PLXND1: variants seen among roughly 807,000 people sequenced by gnomAD.
PLXND1 encodes the protein plexin D1, also known as plexin-D1.
PLXND1 carries 54 observed loss-of-function variants against 197.7 expected under a neutral mutation model. That is an observed-to-expected ratio of 0.27 (90% CI 0.22 to 0.34). The LOEUF (loss-of-function observed/expected upper bound fraction) is 0.34, where lower values mean the gene tolerates loss of function less well. Ranked by LOEUF, PLXND1 falls within the 10% of genes least tolerant of loss-of-function variation. The pLI is 1.00. For missense variants in PLXND1, 2,127 were observed against 2,699.2 expected, an observed-to-expected ratio of 0.79 and a Z score of 4.70; for synonymous variants, 1,180 against 1,161.2, an observed-to-expected ratio of 1.02 and a Z score of -0.33.
Position 129,555,831 on chromosome 3 carries a change from G to T in PLXND1, c.*481C>A. The T allele has an allele frequency of 2.8e-6, 1 of 353,158 alleles. No homozygotes were observed. The allele number at this position is 353,158 out of a possible 1,614,324, so 21.9% of individuals were successfully genotyped here. A position where few individuals can be genotyped will look rare whatever the true frequency, so the allele number is the denominator to read the frequency against. On this transcript the variant is annotated 3_prime_UTR_variant, in exon 36 of 36. Transcript: ENST00000324093. ...CCTCTACGGGTGAGGGGGAAGTGGA[G>T]ATAACATTTTGGTAGTTGAAGCAGA...
Position 129,561,653 on chromosome 3 carries a change from C to A in PLXND1, c.4986G>T (p.Leu1662=). Reference sequence around the variant, plus strand: ...CACGTGCACCCGCACTACCTCGGCCCAGTGTGTTGTCCTTCTTGTCTATGA... The same window carrying A: ...CACGTGCACCCGCACTACCTCGGCCAAGTGTGTTGTCCTTCTTGTCTATGA... ...MSLIDKKDNT[L]GRVKDLDTEK... The change falls in exon 29 of 36, where the codon CTG becomes CTT. Residue 1662 remains leucine, a synonymous_variant. Coordinates refer to ENST00000324093, the MANE Select transcript of PLXND1 (RefSeq NM_015103.3). The A allele has an allele frequency of 6.2e-7, 1 of 1,606,686 alleles. No individual in the cohort carries two copies. The highest frequency in any genetic ancestry group is 2.2e-5 in the East Asian group (1 of 44,654).
intron 5 of PLXND1, among the ~76,000 whole-genome samples, 193 bp downstream of exon 5, chr3:129,585,759 C>T (rs766265394): frequency 3.3e-5 from 5 of 152,230 alleles, no homozygotes; most frequent in East Asian, 1.9e-4. Context: ...CGGAGGTGGA[C>T]GTCAAGCACA....
intron 1 of PLXND1, among the ~76,000 whole-genome samples, chr3:129,603,966 G>A (rs2085747124): frequency 6.6e-6 from 1 of 152,204 alleles, no homozygotes; most frequent in African/African-American, 2.4e-5. Flanking sequence ...TGTCATTCTG[G>A]GGCCTCATTC....
Position 129,558,685 on chromosome 3 carries a change from G to A in PLXND1, c.5298-110C>T. 1 of 1,093,316 alleles carries A rather than the reference G, an allele frequency of 9.1e-7. No individual in the cohort carries two copies. The highest frequency in any genetic ancestry group is 1.3e-6 in the Non-Finnish European group (1 of 750,606). The allele number at this position is 1,093,316 out of a possible 1,614,324, so 67.7% of individuals were successfully genotyped here. A position where few individuals can be genotyped will look rare whatever the true frequency, so the allele number is the denominator to read the frequency against. ...TGTCCCTCAAGGGCCTGAGGTTGGA[G>A]CCTTGTCACAAGATGTGACCTTTGG... On this transcript the variant is annotated intron_variant, in intron 32 of 35. Transcript: ENST00000324093. The surrounding 1 kb of genome is among the most constrained non-coding windows in gnomAD (Gnocchi z 4.1).
At position 129,601,325 on chromosome 3, in the gene PLXND1, T is replaced by C. The variant is rs149186144; in HGVS notation, c.1311+4004A>G. The stretch of plus-strand genomic sequence containing the variant: ...CACTTCAGCAGCTTCTCCCTTTGGG[T>C]TCTCGGGAAGAAGGTGGAGGGCAGA... On this transcript the variant is annotated intron_variant, in intron 1 of 35. Coordinates refer to ENST00000324093, the MANE Select transcript of PLXND1 (RefSeq NM_015103.3). Among the ~76,000 whole-genome samples, 521 of 152,250 alleles carry C rather than the reference T, an allele frequency of 3.4e-3. 3 individuals are homozygous for C. The highest frequency in any genetic ancestry group is 0.012 in the African/African-American group (505 of 41,540).
Position 129,605,944 on chromosome 3 carries a change from G to C in PLXND1, c.696C>G (p.Phe232Leu). 2 of 1,613,160 alleles carry C rather than the reference G, an allele frequency of 1.2e-6. No homozygotes were observed. The highest frequency in any genetic ancestry group is 3.3e-5 in the Admixed American group (2 of 60,020). ...PRNRSLEDHR[F>L]ENTPEIAIRS... is the part of the protein sequence containing the mutation. ...GGATGGCGATCTCGGGCGTGTTCTCGAAGCGGTGGTCCTCCAGGCTGCGGT... is the reference window on the plus strand; with the variant it reads ...GGATGGCGATCTCGGGCGTGTTCTCCAAGCGGTGGTCCTCCAGGCTGCGGT... Residue 232 changes from phenylalanine (F) to leucine (L), a missense_variant, in exon 1 of 36, where the codon TTC becomes TTG. This residue lies in a region of PLXND1 where 1,095 missense variants were observed against 1,259.8 expected (regional missense o/e 0.87). Transcript: ENST00000324093.
At chr3:129,570,710 G>T in intron 19 of PLXND1, 76 bp downstream of exon 19, 1 of 1,424,252 alleles carries the variant, frequency 7.0e-7, no homozygotes, top group Non-Finnish European at 9.8e-7. Context: ...TCAGGTGCTG[G>T]GTGAGGGGCA....
chr3:129,596,648 C>T (rs964160712), intron 1 of PLXND1, among the ~76,000 whole-genome samples: 2 of 152,174 alleles, frequency 1.3e-5, no homozygotes, highest in East Asian at 1.9e-4. Context: ...GGCCAGGAGC[C>T]GAGAAATAGT....
chr3:129,573,222 C>T (rs2625976), intron 13 of PLXND1, among the ~76,000 whole-genome samples: 38,885 of 151,834 alleles, frequency 0.26, 5,140 homozygotes, highest in East Asian at 0.38. Context: ...TCTGCTCACG[C>T]GTATTTCCTA....
rs2084969658 is a variant in PLXND1, at chr3:129,556,146, C to CG, written c.*165dup. 8.0e-6 allele frequency: 5 copies of CG among 622,592 alleles called. No homozygotes were observed. Among genetic ancestry groups the CG allele is most frequent in the African/African-American group, 1.8e-5 (1 of 54,920 alleles). The allele number at this position is 622,592 out of a possible 1,614,324, so 38.6% of individuals were successfully genotyped here. ...GGATGGAGGTGCCCAGGGGTCAAGG[C>CG]GGGGGCGCCCCTGTCTCAGAGAGCA... On this transcript the variant is annotated 3_prime_UTR_variant, in exon 36 of 36. Coordinates refer to ENST00000324093, the MANE Select transcript of PLXND1 (RefSeq NM_015103.3).
chr3:129,569,521 T>C (rs1035390727), intron 20 of PLXND1: 6 of 288,380 alleles, frequency 2.1e-5, no homozygotes, highest in Non-Finnish European at 4.0e-5. Flanking sequence ...AGGTTAATTT[T>C]TCCTGAGTAA....
chr3:129,560,828 G>A lies in PLXND1; in HGVS notation c.4994-105C>T, dbSNP rs9860256. 3.8e-3 allele frequency: 2,951 copies of A among 772,212 alleles called. 48 individuals are homozygous for A. The African/African-American group carries it at 0.038, about 10-fold the overall frequency. The allele number at this position is 772,212 out of a possible 1,614,324, so 47.8% of individuals were successfully genotyped here. A position where few individuals can be genotyped will look rare whatever the true frequency, so the allele number is the denominator to read the frequency against. On this transcript the variant is annotated intron_variant, in intron 29 of 35. Coordinates refer to ENST00000324093, the MANE Select transcript of PLXND1 (RefSeq NM_015103.3). ...GAAACAGAAACAAGACAGAAAGATG[G>A]GGAGAGAAACAGAAGCAGAGACAGA...
At chr3:129,578,603 AC>A in intron 8 of PLXND1, 170 bp from the exon 9 acceptor site, 1 of 587,830 alleles carries the variant, frequency 1.7e-6, no homozygotes, top group Non-Finnish European at 3.0e-6. Flanking sequence ...ACTCGCCACC[AC>A]CCTCCATCCT....
chr3:129,558,922 G>T lies in PLXND1; in HGVS notation c.5298-347C>A, dbSNP rs1177547716. ...AACCCTTGCAGGCAGCAGGAAGTCC[G>T]ACATTAGCAGAGCAGCTGTGGCAGG... On this transcript the variant is annotated intron_variant, in intron 32 of 35. Transcript: ENST00000324093. This position sits in a 1 kb window ranked among gnomAD's most constrained non-coding sequence, Gnocchi z 4.1. 6.6e-6 allele frequency among the ~76,000 whole-genome samples: 1 copy of T among 152,120 alleles called. No homozygotes were observed.
At chr3:129,568,405 T>C (rs1478176274) in intron 20 of PLXND1, among the ~76,000 whole-genome samples, 1 of 152,198 alleles carries the variant, frequency 6.6e-6, no homozygotes, top group Non-Finnish European at 1.5e-5. Flanking sequence ...TAATGATGGG[T>C]ATTTTTTCCT....
At chr3:129,570,754 G>A (rs968725340) in intron 19 of PLXND1, 32 bp downstream of exon 19, 3 of 1,610,482 alleles carry the variant, frequency 1.9e-6, no homozygotes, top group Non-Finnish European at 2.5e-6. Flanking sequence ...GTGGGGCCAG[G>A]TCTGCCCTGC....
intron 6 of PLXND1, 45 bp downstream of exon 6, chr3:129,584,340 C>G: frequency 1.2e-6 from 2 of 1,604,188 alleles, no homozygotes; most frequent in Non-Finnish European, 1.7e-6. Context: ...TGACAGTCCA[C>G]CGTTCTGCCC....
intron 1 of PLXND1, among the ~76,000 whole-genome samples, chr3:129,605,033 C>A (rs1030978359): frequency 7.2e-5 from 11 of 152,200 alleles, no homozygotes; most frequent in Admixed American, 2.6e-4. Context: ...GGGCTTTATG[C>A]GCACCTGGGT....
chr3:129,570,970 A>C, intron 18 of PLXND1, 35 bp from the exon 19 acceptor site: 3 of 1,613,922 alleles, frequency 1.9e-6, no homozygotes, highest in Non-Finnish European at 8.5e-7. Context: ...CTCATGGGGA[A>C]GTGCTCCCGA....
Sources: allele counts gnomAD v4.1 joint callset (sites outside exome capture counted in the v4.1 genomes callset), GRCh38; gene constraint gnomAD v4.1.1; regional missense constraint gnomAD v4.1.1; non-coding constraint Gnocchi (gnomAD v3.1); transcripts MANE v1.5; gene names NCBI Gene and HGNC (gene_info 2026-07-23, HGNC 2026-07-21).